The following COL18A1 variants were observed in gnomAD, a reference collection of about 807,000 sequenced individuals.
COL18A1 encodes collagen alpha-1(XVIII) chain.
Under a neutral mutation model 168.0 loss-of-function variants are expected in COL18A1, and 133 were observed. The ratio of observed to expected loss-of-function variants is 0.79; its 90% CI spans 0.69 to 0.91. COL18A1 has a LOEUF of 0.91. Among genes scored for constraint, COL18A1 ranks in the 40% least tolerant of loss-of-function variants. The pLI is 0.00. For synonymous variants in COL18A1, 949 were observed against 809.0 expected, an observed-to-expected ratio of 1.17 and a Z score of -2.94; for missense variants, 2,126 against 1,925.4, an observed-to-expected ratio of 1.10 and a Z score of -1.95.
At chr21:45,479,310 A>G (rs2035800344) in intron 9 of COL18A1, among the ~76,000 whole-genome samples, 1 of 151,414 alleles carries the variant, frequency 6.6e-6, no homozygotes, top group Non-Finnish European at 1.5e-5. Flanking sequence ...CACACACCAC[A>G]CATTACACCA....
At chr21:45,413,428 G>A (rs1440855132) in intron 2 of COL18A1, among the ~76,000 whole-genome samples, 1 of 152,236 alleles carries the variant, frequency 6.6e-6, no homozygotes, top group Non-Finnish European at 1.5e-5. Flanking sequence ...TTTGTGACTG[G>A]GCGGCAAACA....
intron 1 of COL18A1, 28 bp from the exon 2 acceptor site, chr21:45,405,351 G>A (rs1393827243): frequency 2.7e-5 from 33 of 1,216,902 alleles, no homozygotes; most frequent in African/African-American, 3.2e-5. Context: ...GGGTCCTGCG[G>A]GGTCTGACCC....
At chr21:45,436,834 A>C in intron 2 of COL18A1, among the ~76,000 whole-genome samples, 1 of 61,664 alleles carries the variant, frequency 1.6e-5, no homozygotes, top group South Asian at 4.4e-4. Context: ...TGGCTGGGGG[A>C]GTGCCGTGCC....
intron 38 of COL18A1, among the ~76,000 whole-genome samples, chr21:45,507,798 C>T (rs1196960966): frequency 6.6e-6 from 1 of 152,220 alleles, no homozygotes; most frequent in Non-Finnish European, 1.5e-5. Flanking sequence ...TCCGTCTCAG[C>T]TGCTGGCCTC....
At chr21:45,441,383 C>G (rs2145816705) in intron 2 of COL18A1, among the ~76,000 whole-genome samples, 1 of 152,314 alleles carries the variant, frequency 6.6e-6, no homozygotes, top group African/African-American at 2.4e-5. Flanking sequence ...CACAGATGCC[C>G]AGGTAGAGTT....
intron 2 of COL18A1, among the ~76,000 whole-genome samples, chr21:45,458,820 C>T (rs773454084): frequency 3.3e-5 from 5 of 152,144 alleles, no homozygotes; most frequent in East Asian, 1.9e-4. Context: ...CCTGCCAGCC[C>T]GAGACTGTCT....
chr21:45,487,432 G>C lies in COL18A1; in HGVS notation c.1834-15G>C, dbSNP rs191917454. On this transcript the variant is annotated splice_polypyrimidine_tract_variant and intron_variant, in intron 16 of 41. Coordinates refer to ENST00000651438, the MANE Select transcript of COL18A1 (RefSeq NM_001379500.1). ...AGGGACACAGGCCCCTACGTGTCTCGTGTGTCTCTTCCAGGATGACATGGA... is the reference window on the plus strand; with the variant it reads ...AGGGACACAGGCCCCTACGTGTCTCCTGTGTCTCTTCCAGGATGACATGGA... 5 of 1,612,220 alleles carry C rather than the reference G, an allele frequency of 3.1e-6. No homozygotes were observed. Among genetic ancestry groups the C allele is most frequent in the East Asian group, 2.2e-5 (1 of 44,890 alleles).
intron 26 of COL18A1, chr21:45,494,212 G>T: frequency 1.9e-6 from 1 of 515,844 alleles, no homozygotes; most frequent in Non-Finnish European, 3.5e-6. Context: ...TGGAGCTGGG[G>T]CCTGTGGCAA....
intron 2 of COL18A1, chr21:45,456,987 C>T: frequency 1.0e-6 from 1 of 964,990 alleles, no homozygotes; most frequent in Non-Finnish European, 1.4e-6. Context: ...CATCGAATCT[C>T]TACGTTCAGG....
intron 14 of COL18A1, chr21:45,482,470 C>T (rs140741574): frequency 3.3e-4 from 186 of 559,138 alleles, no homozygotes; most frequent in African/African-American, 2.9e-3. Context: ...GCAGGGGACG[C>T]GGGCTGTAAA....
chr21:45,428,720 T>C (rs2033874934), intron 2 of COL18A1, among the ~76,000 whole-genome samples: 1 of 152,072 alleles, frequency 6.6e-6, no homozygotes. Flanking sequence ...TGCGAGGCCT[T>C]TTGTTTCGGG....
chr21:45,456,515 GC>G, intron 2 of COL18A1: 2 of 1,546,212 alleles, frequency 1.3e-6, no homozygotes, highest in Non-Finnish European at 8.7e-7. Context: ...TGACCCCGAG[GC>G]CCCCGCCGGT....
chr21:45,422,405 G>A (rs749190851), intron 2 of COL18A1: 3 of 517,482 alleles, frequency 5.8e-6, no homozygotes, highest in South Asian at 4.3e-5. Flanking sequence ...GGCACTGAGG[G>A]TCTCACCTCT....
At chr21:45,492,634 G>C (rs2036391124) in intron 23 of COL18A1, 53 bp from the exon 24 acceptor site, 1 of 1,610,804 alleles carries the variant, frequency 6.2e-7, no homozygotes, top group Non-Finnish European at 8.5e-7. Context: ...TGGGGTCCGG[G>C]CAGGCGCGAG....
At chr21:45,447,027 G>GAGC (rs2145830630) in intron 2 of COL18A1, among the ~76,000 whole-genome samples, 1 of 152,298 alleles carries the variant, frequency 6.6e-6, no homozygotes, top group Admixed American at 6.5e-5. Flanking sequence ...TGTGGTGGAG[G>GAGC]AGCGAATGCT....
At chr21:45,458,825 C>T (rs1031522248) in intron 2 of COL18A1, among the ~76,000 whole-genome samples, 1 of 152,234 alleles carries the variant, frequency 6.6e-6, no homozygotes, top group Admixed American at 6.5e-5. Context: ...CAGCCCGAGA[C>T]TGTCTGGGAT....
rs1428671006 is a variant in COL18A1, at chr21:45,493,483, G to C, written c.2278-18G>C. ...GAAGGAGCTGGCCCTGACTCTGCTG[G>C]ACCTCCTGCCATTCCAGGGTGAGAA... On this transcript the variant is annotated intron_variant, in intron 25 of 41. Coordinates refer to ENST00000651438, the MANE Select transcript of COL18A1 (RefSeq NM_001379500.1). 1 of 1,552,852 alleles carries C rather than the reference G, an allele frequency of 6.4e-7. No individual in the cohort carries two copies. The highest frequency in any genetic ancestry group is 8.7e-7 in the Non-Finnish European group (1 of 1,148,078).
At chr21:45,511,944 GCCCCTCT>G (rs1458254521) in intron 41 of COL18A1, among the ~76,000 whole-genome samples, 2 of 152,200 alleles carry the variant, frequency 1.3e-5, no homozygotes, top group Non-Finnish European at 2.9e-5. Flanking sequence ...CCAAGCCCTG[GCCCCTCT>G]CCCCTCTGCC....
chr21:45,452,464 CAT>C (rs1170520498), intron 2 of COL18A1, among the ~76,000 whole-genome samples: 4 of 151,486 alleles, frequency 2.6e-5, no homozygotes, highest in Non-Finnish European at 5.9e-5. Context: ...GACATGTGAG[CAT>C]ATATGTACGT....
Sources: allele counts gnomAD v4.1 joint callset (sites outside exome capture counted in the v4.1 genomes callset), GRCh38; gene constraint gnomAD v4.1.1; transcripts MANE v1.5; gene names NCBI Gene and HGNC (gene_info 2026-07-23, HGNC 2026-07-21).